The following RSRC1 variants were observed in gnomAD, a reference collection of about 807,000 sequenced individuals.
The protein encoded by RSRC1 is serine/Arginine-related protein 53.
A neutral mutation model predicts 49.1 loss-of-function variants in RSRC1; 39 were observed. The ratio of observed to expected loss-of-function variants is 0.79; its 90% CI spans 0.61 to 1.04. RSRC1 has a LOEUF of 1.04. RSRC1 is among the 50% of genes least tolerant of loss of function. The probability of loss-of-function intolerance (pLI) is 0.00; values close to 1 mark genes in which losing one functional copy is unlikely to be tolerated. For synonymous variants in RSRC1, 143 were observed against 130.8 expected, an observed-to-expected ratio of 1.09 and a Z score of -0.63; for missense variants, 388 against 402.4, an observed-to-expected ratio of 0.96 and a Z score of 0.31.
intron 4 of RSRC1, among the ~76,000 whole-genome samples, chr3:158,245,144 T>C (rs1436685487): frequency 6.6e-6 from 1 of 151,448 alleles, no homozygotes; most frequent in Non-Finnish European, 1.5e-5. Flanking sequence ...TTCTGGCTTT[T>C]TGATGTGGGC....
At chr3:158,454,593 T>C (rs928846976) in intron 6 of RSRC1, among the ~76,000 whole-genome samples, 3 of 152,142 alleles carry the variant, frequency 2.0e-5, no homozygotes, top group African/African-American at 7.2e-5. Flanking sequence ...AATCAGTATC[T>C]TCCCACATCG....
At chr3:158,423,218 T>C (rs879744439) in intron 6 of RSRC1, among the ~76,000 whole-genome samples, 10 of 152,282 alleles carry the variant, frequency 6.6e-5, no homozygotes, top group Non-Finnish European at 1.2e-4. Flanking sequence ...AGGTCTAACG[T>C]TTAAGTCTTT....
chr3:158,267,894 A>G (rs1200377770), intron 4 of RSRC1, among the ~76,000 whole-genome samples: 1 of 128,970 alleles, frequency 7.8e-6, no homozygotes, highest in Non-Finnish European at 1.6e-5. Context: ...AAAAAACATT[A>G]TAGCCACTCT....
intron 6 of RSRC1, among the ~76,000 whole-genome samples, chr3:158,371,660 C>T (rs1466903512): frequency 1.3e-5 from 2 of 151,752 alleles, no homozygotes; most frequent in African/African-American, 4.8e-5. Flanking sequence ...TGAAATAAAC[C>T]ATTATAACTT....
At chr3:158,159,602 A>G (rs938054367) in intron 3 of RSRC1, among the ~76,000 whole-genome samples, 2 of 152,178 alleles carry the variant, frequency 1.3e-5, no homozygotes, top group African/African-American at 2.4e-5. Flanking sequence ...GGAGATGAGT[A>G]GTAGAACTCA....
intron 3 of RSRC1, among the ~76,000 whole-genome samples, chr3:158,147,102 C>CTTTTTTTTTTTTTTTTTTT (rs35460810): frequency 5.8e-5 from 2 of 34,732 alleles, no homozygotes; most frequent in African/African-American, 1.5e-4. Context: ...GCTTTTCTGC[C>CTTTTTTTTTTTTTTTTTTT]TTTTTTTTTT....
intron 3 of RSRC1, among the ~76,000 whole-genome samples, chr3:158,138,233 A>C (rs894293880): frequency 6.6e-6 from 1 of 152,190 alleles, no homozygotes; most frequent in African/African-American, 2.4e-5. Flanking sequence ...TATGACCTCA[A>C]ATCAGCTGAG....
At chr3:158,434,371 G>T (rs2108361763) in intron 6 of RSRC1, among the ~76,000 whole-genome samples, 1 of 120,556 alleles carries the variant, frequency 8.3e-6, no homozygotes, top group African/African-American at 3.5e-5. Context: ...CTGTTTTAGT[G>T]TTCAAAATAT....
chr3:158,378,254 G>C (rs1353954694), intron 6 of RSRC1, among the ~76,000 whole-genome samples: 2 of 151,860 alleles, frequency 1.3e-5, no homozygotes, highest in Non-Finnish European at 2.9e-5. Context: ...AGTTATAATG[G>C]CTGTTTTATT....
chr3:158,467,693 T>C (rs1737951035), intron 7 of RSRC1, among the ~76,000 whole-genome samples: 1 of 152,326 alleles, frequency 6.6e-6, no homozygotes, highest in African/African-American at 2.4e-5. Flanking sequence ...TGTATAGTTA[T>C]GGGCTAAATT....
chr3:158,249,823 A>G lies in RSRC1; in HGVS notation c.494+46578A>G, dbSNP rs563663888. ...CAAGCATTTACCCTTTTTGTTACAA[A>G]CAATTCAATTATACTTTTTGTTATT... On this transcript the variant is annotated intron_variant, in intron 4 of 9. Coordinates refer to ENST00000611884, the MANE Select transcript of RSRC1 (RefSeq NM_001271838.2). Among the ~76,000 whole-genome samples, 12 of 152,282 alleles carry G rather than the reference A, an allele frequency of 7.9e-5. 1 individual carries two copies. In the South Asian group the frequency reaches 1.5e-3, roughly 18 times the overall value.
chr3:158,379,814 G>GCACACACATACACACA lies in RSRC1; in HGVS notation c.583+24914_583+24915insTACACACACACACACA, dbSNP rs1553796315. 3.4e-5 allele frequency among the ~76,000 whole-genome samples: 5 copies of GCACACACATACACACA among 146,928 alleles called. No homozygotes were observed. The South Asian group carries it at 6.6e-4, about 19-fold the overall frequency. On this transcript the variant is annotated intron_variant, in intron 6 of 9. Coordinates refer to ENST00000611884, the MANE Select transcript of RSRC1 (RefSeq NM_001271838.2). ...CACATACATACAAACACACGCGCATGCACACACACACACACACACACACCC... is the reference window on the plus strand; with the variant it reads ...CACATACATACAAACACACGCGCATGCACACACATACACACACACACACACACACACACACACACCC...
intron 5 of RSRC1, among the ~76,000 whole-genome samples, chr3:158,334,675 G>GTGTGTA (rs1462161171): frequency 6.6e-6 from 1 of 151,124 alleles, no homozygotes; most frequent in African/African-American, 2.4e-5. Context: ...GTGTGTGTGT[G>GTGTGTA]TGTGTGTGTG....
At chr3:158,116,909 A>G (rs547573477) in intron 1 of RSRC1, among the ~76,000 whole-genome samples, 43 of 152,102 alleles carry the variant, frequency 2.8e-4, no homozygotes, top group African/African-American at 9.4e-4. Context: ...AAGATTACTT[A>G]TATTTTGAAT....
At chr3:158,336,222 G>A (rs901829057) in intron 5 of RSRC1, among the ~76,000 whole-genome samples, 2 of 152,206 alleles carry the variant, frequency 1.3e-5, no homozygotes, top group African/African-American at 4.8e-5. Context: ...ATGGTCCTAC[G>A]CTTCAGAGGC....
intron 3 of RSRC1, among the ~76,000 whole-genome samples, chr3:158,174,136 A>C (rs1719057298): frequency 6.6e-6 from 1 of 151,912 alleles, no homozygotes; most frequent in Non-Finnish European, 1.5e-5. Context: ...TTAAAAAAAG[A>C]TTCAAGATAA....
At chr3:158,298,933 G>GTT (rs1352919638) in intron 5 of RSRC1, among the ~76,000 whole-genome samples, 1 of 152,148 alleles carries the variant, frequency 6.6e-6, no homozygotes, top group African/African-American at 2.4e-5. Context: ...ACAGTAGCAA[G>GTT]AGACAGCTTC....
At chr3:158,385,261 G>A (rs1477889244) in intron 6 of RSRC1, among the ~76,000 whole-genome samples, 7 of 152,084 alleles carry the variant, frequency 4.6e-5, no homozygotes, top group African/African-American at 1.7e-4. Context: ...GTAGCTCACC[G>A]TCCTAGTGTA....
At chr3:158,281,407 T>C (rs1016360431) in intron 4 of RSRC1, among the ~76,000 whole-genome samples, 3 of 151,880 alleles carry the variant, frequency 2.0e-5, no homozygotes, top group Middle Eastern at 6.8e-3. Flanking sequence ...ATGAATGATA[T>C]ACATTTTTTG....
Sources: allele counts gnomAD v4.1 joint callset (sites outside exome capture counted in the v4.1 genomes callset), GRCh38; gene constraint gnomAD v4.1.1; transcripts MANE v1.5; gene names NCBI Gene and HGNC (gene_info 2026-07-23, HGNC 2026-07-21).